ASCC1: variants seen among roughly 807,000 people sequenced by gnomAD.
The protein encoded by ASCC1 is activating signal cointegrator 1 complex subunit 1.
Under a neutral mutation model 46.6 loss-of-function variants are expected in ASCC1, and 35 were observed. The ratio of observed to expected loss-of-function variants is 0.75; its 90% CI spans 0.57 to 0.99. The LOEUF (loss-of-function observed/expected upper bound fraction) is 0.99, where lower values mean the gene tolerates loss of function less well. Among genes scored for constraint, ASCC1 ranks in the 50% least tolerant of loss-of-function variants. The pLI, the probability that ASCC1 is intolerant of heterozygous loss-of-function variation, is 0.00. For synonymous variants in ASCC1, 143 were observed against 146.6 expected, an observed-to-expected ratio of 0.98 and a Z score of 0.18; for missense variants, 376 against 428.7, an observed-to-expected ratio of 0.88 and a Z score of 1.09.
chr10:72,110,207 T>C (rs1842775156), intron 9 of ASCC1, among the ~76,000 whole-genome samples: 1 of 152,228 alleles, frequency 6.6e-6, no homozygotes, highest in Admixed American at 6.5e-5. Flanking sequence ...CAGGTATTAT[T>C]CATAATGGTC....
intron 5 of ASCC1, among the ~76,000 whole-genome samples, chr10:72,195,500 T>C (rs2133252512): frequency 6.6e-6 from 1 of 152,048 alleles, no homozygotes; most frequent in Admixed American, 6.5e-5. Context: ...GTAGAATGAT[T>C]ACGCTTTCAA....
chr10:72,158,407 G>A (rs1740053220), intron 6 of ASCC1, among the ~76,000 whole-genome samples: 1 of 152,178 alleles, frequency 6.6e-6, no homozygotes, highest in South Asian at 2.1e-4. Flanking sequence ...AAGAAGAGCT[G>A]CACATTTGTC....
chr10:72,202,720 TA>T (rs1383089656), intron 4 of ASCC1, among the ~76,000 whole-genome samples: 2 of 152,078 alleles, frequency 1.3e-5, no homozygotes, highest in Admixed American at 6.6e-5. Flanking sequence ...AAATCAAGGG[TA>T]AAAAATTGAG....
At position 72,190,096 on chromosome 10, in the gene ASCC1, C is replaced by T. The variant is rs1854185367; in HGVS notation, c.489+6715G>A. On this transcript the variant is annotated intron_variant, in intron 5 of 9. Transcript: ENST00000672957. ...AGCCTGATAAAGCGCAGCAACTGGG[C>T]TGCAAGACCAAGCAAGGTTACATTA... The T allele has an allele frequency of 5.3e-6, 4 of 758,878 alleles. No homozygotes were observed. In the Admixed American group the frequency reaches 6.9e-5, roughly 13 times the overall value. The allele number at this position is 758,878 out of a possible 1,614,324, so 47.0% of individuals were successfully genotyped here. A position where few individuals can be genotyped will look rare whatever the true frequency, so the allele number is the denominator to read the frequency against.
intron 7 of ASCC1, among the ~76,000 whole-genome samples, chr10:72,141,823 G>C (rs533492418): frequency 6.6e-6 from 1 of 152,170 alleles, no homozygotes; most frequent in African/African-American, 2.4e-5. Context: ...TTTATCTTTT[G>C]TCTAACTACT....
intron 5 of ASCC1, among the ~76,000 whole-genome samples, chr10:72,181,148 T>C (rs535477437): frequency 6.6e-6 from 1 of 152,248 alleles, no homozygotes; most frequent in South Asian, 2.1e-4. Context: ...GTATTTTTAG[T>C]GGAGACAGGG....
intron 7 of ASCC1, among the ~76,000 whole-genome samples, chr10:72,138,600 C>CTTTTTT (rs1011535460): frequency 6.1e-4 from 64 of 104,462 alleles, no homozygotes; most frequent in Admixed American, 1.2e-3. Context: ...TTCTTTCTTT[C>CTTTTTT]TTTTTTTTTT....
intron 9 of ASCC1, among the ~76,000 whole-genome samples, chr10:72,106,161 C>T (rs1229006508): frequency 6.6e-6 from 1 of 152,100 alleles, no homozygotes; most frequent in East Asian, 1.9e-4. Context: ...GAACTATTTG[C>T]TGTCTCAATA....
intron 7 of ASCC1, among the ~76,000 whole-genome samples, chr10:72,149,387 T>C (rs1031815961): frequency 8.1e-6 from 1 of 123,402 alleles, no homozygotes; most frequent in African/African-American, 3.2e-5. Flanking sequence ...GCAGTAAGCC[T>C]AGATCACGCC....
At chr10:72,185,292 T>C (rs1853286861) in intron 5 of ASCC1, among the ~76,000 whole-genome samples, 2 of 152,170 alleles carry the variant, frequency 1.3e-5, no homozygotes, top group Admixed American at 6.5e-5. Flanking sequence ...CCAAGAGGTA[T>C]AAAAACATAT....
At position 72,199,193 on chromosome 10, in the gene ASCC1, G is replaced by A. The variant is rs565394623; in HGVS notation, c.311-2204C>T. ...GGCTGGAGTGCAGTGGCACGATCTC[G>A]GCTCACTGCAACCTCCATCTCCCAG... On this transcript the variant is annotated intron_variant, in intron 4 of 9. Transcript: ENST00000672957. 6.6e-5 allele frequency among the ~76,000 whole-genome samples: 10 copies of A among 151,564 alleles called. No individual in the cohort carries two copies. In the South Asian group the frequency reaches 1.5e-3, roughly 22 times the overall value.
chr10:72,173,349 C>G (rs993360476), intron 5 of ASCC1, among the ~76,000 whole-genome samples: 1 of 152,140 alleles, frequency 6.6e-6, no homozygotes, highest in Non-Finnish European at 1.5e-5. Flanking sequence ...GCTTTCCCTG[C>G]CTTACCCTTT....
intron 5 of ASCC1, among the ~76,000 whole-genome samples, chr10:72,187,902 G>A (rs11816517): frequency 0.42 from 62,977 of 150,356 alleles, 14,166 homozygotes; most frequent in Non-Finnish European, 0.52. Flanking sequence ...GCAGTGAGCC[G>A]AGATCAAACC....
intron 5 of ASCC1, among the ~76,000 whole-genome samples, chr10:72,183,998 G>T (rs930317611): frequency 7.2e-5 from 11 of 151,862 alleles, no homozygotes; most frequent in Non-Finnish European, 1.3e-4. Flanking sequence ...ATAAAAATTA[G>T]CCAAGTGTGG....
At chr10:72,151,362 G>A (rs189204499) in intron 7 of ASCC1, among the ~76,000 whole-genome samples, 2 of 151,408 alleles carry the variant, frequency 1.3e-5, no homozygotes, top group East Asian at 3.9e-4. Context: ...ACCAAACACC[G>A]CATGTTCTCA....
chr10:72,188,121 CTTTT>C (rs1169395541), intron 5 of ASCC1, among the ~76,000 whole-genome samples: 2 of 124,444 alleles, frequency 1.6e-5, no homozygotes, highest in African/African-American at 3.0e-5. Flanking sequence ...AATACTTCTT[CTTTT>C]TTTTTTTTTT....
intron 9 of ASCC1, among the ~76,000 whole-genome samples, chr10:72,125,324 C>A (rs1844734740): frequency 6.6e-6 from 1 of 152,194 alleles, no homozygotes; most frequent in African/African-American, 2.4e-5. Context: ...ATGCTGCACA[C>A]GTATGCCTGG....
At chr10:72,178,923 T>A (rs554941708) in intron 5 of ASCC1, among the ~76,000 whole-genome samples, 2 of 152,056 alleles carry the variant, frequency 1.3e-5, no homozygotes, top group African/African-American at 4.8e-5. Context: ...ATTAATAATA[T>A]CAATTTTTTT....
intron 5 of ASCC1, among the ~76,000 whole-genome samples, chr10:72,187,015 T>A (rs1422369076): frequency 6.6e-6 from 1 of 151,884 alleles, no homozygotes; most frequent in East Asian, 1.9e-4. Context: ...TTTGTATCCT[T>A]CCAAAGAATA....
Sources: allele counts gnomAD v4.1 joint callset (sites outside exome capture counted in the v4.1 genomes callset), GRCh38; gene constraint gnomAD v4.1.1; transcripts MANE v1.5; gene names NCBI Gene and HGNC (gene_info 2026-07-23, HGNC 2026-07-21).